Variants in IRAK2 observed in about 807,000 individuals in gnomAD.
IRAK2 encodes the protein interleukin-1 receptor-associated kinase-like 2.
IRAK2 carries 57 observed loss-of-function variants against 72.0 expected under a neutral mutation model. The ratio of observed to expected loss-of-function variants is 0.79; its 90% CI spans 0.64 to 0.99. The LOEUF is 0.99. Ranked by LOEUF, IRAK2 falls within the 50% of genes least tolerant of loss-of-function variation. IRAK2 has a pLI of 0.00. For synonymous variants in IRAK2, 293 were observed against 312.7 expected (o/e 0.94, Z 0.67); for missense variants, 790 against 794.4 (o/e 0.99, Z 0.07).
chr3:10,225,508 C>A (rs1441282783), intron 9 of IRAK2, among the ~76,000 whole-genome samples: 1 of 152,244 alleles, frequency 6.6e-6, no homozygotes, highest in East Asian at 1.9e-4. Flanking sequence ...GTGACTTACA[C>A]GTATACAGGG....
chr3:10,202,642 A>G (rs955369295), intron 3 of IRAK2, among the ~76,000 whole-genome samples: 1 of 151,560 alleles, frequency 6.6e-6, no homozygotes, highest in Non-Finnish European at 1.5e-5. Context: ...ATAAAAGTAA[A>G]ATAAACATCA....
chr3:10,202,773 C>G (rs1340834576), intron 3 of IRAK2, among the ~76,000 whole-genome samples: 1 of 148,782 alleles, frequency 6.7e-6, no homozygotes, highest in Non-Finnish European at 1.5e-5. Context: ...CTCACTGCAG[C>G]CTCAACTTCC....
chr3:10,168,232 A>G (rs1352878524), intron 1 of IRAK2, among the ~76,000 whole-genome samples: 1 of 146,636 alleles, frequency 6.8e-6, no homozygotes, highest in African/African-American at 2.6e-5. Flanking sequence ...TTTTTTTGAG[A>G]CAGAGTCTCG....
At chr3:10,179,797 C>T (rs567800327) in intron 2 of IRAK2, among the ~76,000 whole-genome samples, 66 of 151,524 alleles carry the variant, frequency 4.4e-4, no homozygotes, top group African/African-American at 1.6e-3. Flanking sequence ...CTCCAACTTC[C>T]AACCTCAGGT....
At chr3:10,199,729 C>T (rs549469146) in intron 2 of IRAK2, among the ~76,000 whole-genome samples, 1 of 152,152 alleles carries the variant, frequency 6.6e-6, no homozygotes, top group East Asian at 1.9e-4. Flanking sequence ...AAACGGACGC[C>T]ATTATCACCT....
chr3:10,184,820 C>T (rs1269999315), intron 2 of IRAK2, among the ~76,000 whole-genome samples: 1 of 149,274 alleles, frequency 6.7e-6, no homozygotes, highest in Non-Finnish European at 1.5e-5. Flanking sequence ...AGCTCCGCCT[C>T]CCAGGTTCAC....
At chr3:10,233,663 G>A (rs988769467) in intron 10 of IRAK2, among the ~76,000 whole-genome samples, 1 of 152,118 alleles carries the variant, frequency 6.6e-6, no homozygotes, top group South Asian at 2.1e-4. Flanking sequence ...TATCATAAGA[G>A]ATTGTCCATG....
intron 3 of IRAK2, among the ~76,000 whole-genome samples, chr3:10,207,529 C>T (rs964736638): frequency 2.6e-5 from 4 of 152,176 alleles, no homozygotes; most frequent in Non-Finnish European, 5.9e-5. Flanking sequence ...CGGTCTGTGC[C>T]TGCGCCCACC....
chr3:10,203,066 G>A (rs1697385623), intron 3 of IRAK2, among the ~76,000 whole-genome samples: 1 of 151,870 alleles, frequency 6.6e-6, no homozygotes, highest in Non-Finnish European at 1.5e-5. Context: ...GCACAATCTC[G>A]GCTCATTGCA....
At position 10,219,777 on chromosome 3, in the gene IRAK2, G is replaced by C; in HGVS notation, c.1001G>C (p.Ser334Thr). 6.2e-7 allele frequency: 1 copy of C among 1,612,548 alleles called. No individual in the cohort carries two copies. The highest frequency in any genetic ancestry group is 8.5e-7 in the Non-Finnish European group (1 of 1,178,662). Reference sequence around the variant, plus strand: ...CTGCATGGTCTGGAGATCATCCACAGCAACGTCAAGAGGTGAGAGAGGTGG... The same window carrying C: ...CTGCATGGTCTGGAGATCATCCACACCAACGTCAAGAGGTGAGAGAGGTGG... ...EYLHGLEIIH[S>T]NVKSSNVLLD... Residue 334 changes from serine to threonine, a missense_variant, in exon 8 of 13, where the codon AGC becomes ACC. Transcript: ENST00000256458.
intron 2 of IRAK2, among the ~76,000 whole-genome samples, chr3:10,188,833 T>C (rs1697126908): frequency 6.6e-6 from 1 of 152,230 alleles, no homozygotes; most frequent in South Asian, 2.1e-4. Context: ...GCCTAATTTT[T>C]GTATTTTTAG....
intron 1 of IRAK2, among the ~76,000 whole-genome samples, chr3:10,172,321 C>G (rs1349596342): frequency 6.0e-5 from 9 of 150,536 alleles, no homozygotes; most frequent in African/African-American, 2.2e-4. Flanking sequence ...GAGCAGAGAT[C>G]GCACCACTGC....
chr3:10,214,883 C>A (rs1229790518), intron 6 of IRAK2, among the ~76,000 whole-genome samples: 1 of 150,134 alleles, frequency 6.7e-6, no homozygotes, highest in Admixed American at 6.7e-5. Flanking sequence ...TCACTTAAGT[C>A]CAGGAGTTCA....
intron 2 of IRAK2, among the ~76,000 whole-genome samples, chr3:10,195,488 G>C (rs1697248903): frequency 6.6e-6 from 1 of 151,894 alleles, no homozygotes; most frequent in Non-Finnish European, 1.5e-5. Context: ...GGAGTTTGAG[G>C]CTGCAGTGAG....
chr3:10,213,262 GCCTTTT>G lies in IRAK2; in HGVS notation c.586_591del (p.Leu196_Phe197del), dbSNP rs1236200843. 6.2e-7 allele frequency: 1 copy of G among 1,614,184 alleles called. No homozygotes were observed. The highest frequency in any genetic ancestry group is 1.7e-5 in the Admixed American group (1 of 60,008). On this transcript the variant is annotated inframe_deletion, in exon 5 of 13. Coordinates refer to ENST00000256458, the MANE Select transcript of IRAK2 (RefSeq NM_001570.4). ...AAACTTTTGAGCTTGGCTGGAGACA[GCCTTTT>G]CTGGAGTGAGGCAGACGTGGTCCAG...
intron 4 of IRAK2, among the ~76,000 whole-genome samples, chr3:10,211,673 C>T (rs1480292991): frequency 2.0e-5 from 3 of 151,966 alleles, no homozygotes; most frequent in Non-Finnish European, 4.4e-5. Context: ...TAAATAAATC[C>T]TAGTATATCT....
chr3:10,215,586 A>G (rs1288082145), intron 6 of IRAK2, among the ~76,000 whole-genome samples: 1 of 152,002 alleles, frequency 6.6e-6, no homozygotes, highest in Non-Finnish European at 1.5e-5. Context: ...CGATCTCACT[A>G]TGTTGCCCAG....
intron 2 of IRAK2, among the ~76,000 whole-genome samples, chr3:10,180,369 A>G (rs1482100745): frequency 1.3e-5 from 2 of 152,204 alleles, no homozygotes; most frequent in African/African-American, 4.8e-5. Context: ...CAGTTAATGC[A>G]TAGGAAAACT....
At chr3:10,213,057 C>T (rs978220905) in intron 4 of IRAK2, 150 bp from the exon 5 acceptor site, 39 of 674,190 alleles carry the variant, frequency 5.8e-5, no homozygotes, top group South Asian at 1.8e-4. Context: ...CGTGAGCCAC[C>T]GTGCCCGGCC....
Sources: gnomAD v4.1 joint callset for allele counts (sites outside exome capture counted in the v4.1 genomes callset) on GRCh38, gnomAD v4.1.1 for gene constraint, MANE v1.5 for transcripts, NCBI Gene and HGNC (gene_info 2026-07-23, HGNC 2026-07-21) for gene names.